CNTN6: variants seen among roughly 807,000 people sequenced by gnomAD.
The protein encoded by CNTN6 is contactin-6.
Under a neutral mutation model 122.8 loss-of-function variants are expected in CNTN6, and 137 were observed. That is an observed-to-expected ratio of 1.12 (90% CI 0.97 to 1.29). CNTN6 has a LOEUF of 1.29. Ranked by LOEUF, CNTN6 falls within the 50% of genes most tolerant of loss-of-function variation. CNTN6 has a pLI of 0.00. For synonymous variants in CNTN6, 570 were observed against 426.0 expected, an observed-to-expected ratio of 1.34 and a Z score of -4.16; for missense variants, 1,634 against 1,223.4, an observed-to-expected ratio of 1.34 and a Z score of -5.01.
chr3:1,164,470 T>C (rs1165129795), intron 2 of CNTN6, among the ~76,000 whole-genome samples: 1 of 152,110 alleles, frequency 6.6e-6, no homozygotes, highest in African/African-American at 2.4e-5. Context: ...CACAGTAGTT[T>C]TGCTTTCCTG....
At chr3:1,324,665 G>A (rs756888080) in intron 8 of CNTN6, among the ~76,000 whole-genome samples, 4 of 149,588 alleles carry the variant, frequency 2.7e-5, no homozygotes, top group Non-Finnish European at 5.9e-5. Context: ...ACAATGGATC[G>A]TGTTGGTGGT....
chr3:1,246,745 T>C (rs1044252701), intron 4 of CNTN6, among the ~76,000 whole-genome samples: 2 of 152,198 alleles, frequency 1.3e-5, no homozygotes, highest in East Asian at 3.9e-4. Flanking sequence ...GTATCTCATT[T>C]TGGTTTAGCT....
chr3:1,278,590 A>T, intron 5 of CNTN6, 82 bp downstream of exon 5: 1 of 777,378 alleles, frequency 1.3e-6, no homozygotes, highest in South Asian at 2.0e-5. Context: ...AGGCTCAGTG[A>T]TCACCTTTTA....
At chr3:1,158,644 C>T (rs988360148) in intron 2 of CNTN6, among the ~76,000 whole-genome samples, 1 of 151,412 alleles carries the variant, frequency 6.6e-6, no homozygotes, top group African/African-American at 2.4e-5. Flanking sequence ...AAGATCATAG[C>T]TCACTGCACC....
chr3:1,243,038 G>A (rs575940740), intron 4 of CNTN6, among the ~76,000 whole-genome samples: 12 of 152,244 alleles, frequency 7.9e-5, no homozygotes, highest in Admixed American at 5.9e-4. Context: ...GATGGTCTAC[G>A]GGGCTTCCAA....
intron 21 of CNTN6, 77 bp downstream of exon 21, chr3:1,401,622 C>A: frequency 1.1e-6 from 1 of 893,130 alleles, no homozygotes; most frequent in Non-Finnish European, 1.8e-6. Flanking sequence ...AAATGGAAAA[C>A]AAATTGGATG....
intron 4 of CNTN6, among the ~76,000 whole-genome samples, chr3:1,271,975 C>A (rs939029284): frequency 6.6e-6 from 1 of 152,062 alleles, no homozygotes; most frequent in African/African-American, 2.4e-5. Flanking sequence ...TGGGAGGGAC[C>A]CAGTGGGAGG....
In CNTN6 at chr3:1,283,948, A is replaced by G. The variant is rs1316084173; in HGVS notation, c.454+5440A>G. Among the ~76,000 whole-genome samples the G allele has an allele frequency of 4.6e-5, 7 of 152,350 alleles. No individual in the cohort carries two copies. The East Asian group carries it at 1.4e-3, about 29-fold the overall frequency. On this transcript the variant is annotated intron_variant, in intron 5 of 22. Transcript: ENST00000446702. ...TGGGAGGCGGAGGTTGCAGTGAGCC[A>G]AGATCATGCCTTTGCACTCCAGCCT...
intron 11 of CNTN6, among the ~76,000 whole-genome samples, chr3:1,351,412 A>G (rs528123197): frequency 1.4e-4 from 22 of 151,988 alleles, no homozygotes; most frequent in Non-Finnish European, 3.1e-4. Context: ...CTACCTACTA[A>G]TGTTTTTAAA....
At chr3:1,129,879 G>C (rs1191854945) in intron 1 of CNTN6, among the ~76,000 whole-genome samples, 1 of 151,784 alleles carries the variant, frequency 6.6e-6, no homozygotes, top group African/African-American at 2.4e-5. Flanking sequence ...CTATTCATTT[G>C]TATAAAATAG....
chr3:1,255,581 T>C (rs929935432), intron 4 of CNTN6, among the ~76,000 whole-genome samples: 5 of 152,116 alleles, frequency 3.3e-5, no homozygotes, highest in Admixed American at 3.3e-4. Context: ...ACAGTAGAGC[T>C]CCATACAATT....
chr3:1,364,389 T>A (rs1301306591), intron 12 of CNTN6, among the ~76,000 whole-genome samples: 1 of 151,864 alleles, frequency 6.6e-6, no homozygotes, highest in Non-Finnish European at 1.5e-5. Context: ...GAGGAAGAGT[T>A]TGATAATTTT....
chr3:1,233,909 C>T (rs980819771), intron 4 of CNTN6, among the ~76,000 whole-genome samples: 4 of 151,964 alleles, frequency 2.6e-5, no homozygotes, highest in Non-Finnish European at 4.4e-5. Flanking sequence ...CGAATTCTTG[C>T]ACCACATCAC....
intron 1 of CNTN6, among the ~76,000 whole-genome samples, chr3:1,102,532 C>A (rs538597217): frequency 1.5e-4 from 22 of 151,334 alleles, no homozygotes; most frequent in South Asian, 6.3e-4. Flanking sequence ...AGATCGAGAC[C>A]ATCCTGGCTA....
intron 7 of CNTN6, among the ~76,000 whole-genome samples, chr3:1,320,821 T>C (rs76982124): frequency 0.011 from 1,701 of 151,848 alleles, 32 homozygotes; most frequent in African/African-American, 0.039. Context: ...TCATCCCTTA[T>C]TGTTAAACAC....
chr3:1,392,723 A>T (rs1318550203), intron 20 of CNTN6, among the ~76,000 whole-genome samples: 2 of 143,924 alleles, frequency 1.4e-5, no homozygotes, highest in South Asian at 4.7e-4. Context: ...AAAAACAAAC[A>T]ACCCCATCAA....
At chr3:1,094,143 C>T (rs2090391731) in intron 1 of CNTN6, among the ~76,000 whole-genome samples, 1 of 152,094 alleles carries the variant, frequency 6.6e-6, no homozygotes, top group Non-Finnish European at 1.5e-5. Context: ...TATTGAATTG[C>T]TTGTTTTGAG....
At chr3:1,117,318 G>C (rs1321133916) in intron 1 of CNTN6, among the ~76,000 whole-genome samples, 1 of 152,050 alleles carries the variant, frequency 6.6e-6, no homozygotes, top group African/African-American at 2.4e-5. Context: ...TAGCCAGAGA[G>C]GTAAGAAAGG....
At chr3:1,093,792 A>G (rs2090369394) in intron 1 of CNTN6, among the ~76,000 whole-genome samples, 1 of 152,200 alleles carries the variant, frequency 6.6e-6, no homozygotes. Context: ...GAAAACTTTC[A>G]GAAGTTGATG....
Sources: gnomAD v4.1 joint callset for allele counts (sites outside exome capture counted in the v4.1 genomes callset) on GRCh38, gnomAD v4.1.1 for gene constraint, MANE v1.5 for transcripts, NCBI Gene and HGNC (gene_info 2026-07-23, HGNC 2026-07-21) for gene names.